The following AK2 variants were observed in gnomAD, a reference collection of about 807,000 sequenced individuals.
The protein encoded by AK2 is adenylate kinase 2, mitochondrial.
Under a neutral mutation model 24.6 loss-of-function variants are expected in AK2, and 15 were observed. The observed-to-expected ratio is 0.61, with a 90% CI of 0.41 to 0.94. AK2 has a LOEUF of 0.94. Among genes scored for constraint, AK2 ranks in the 40% least tolerant of loss-of-function variants. The pLI is 0.00. For synonymous variants in AK2, 102 were observed against 114.0 expected, an observed-to-expected ratio of 0.90 and a Z score of 0.67; for missense variants, 257 against 304.1, an observed-to-expected ratio of 0.85 and a Z score of 1.15.
chr1:33,011,974 A>G lies in AK2; in HGVS notation c.*1207T>C, dbSNP rs1638848547. The G allele has an allele frequency of 6.5e-7, 1 of 1,534,942 alleles. No homozygotes were observed. Among genetic ancestry groups the G allele is most frequent in the Admixed American group, 2.0e-5 (1 of 50,976 alleles). ...TGTCCTGGAGAGAGACTGGGTTTGAATAAATACTGATCAAAATGAATCCAA... is the reference window on the plus strand; with the variant it reads ...TGTCCTGGAGAGAGACTGGGTTTGAGTAAATACTGATCAAAATGAATCCAA... On this transcript the variant is annotated 3_prime_UTR_variant, in exon 6 of 6. Transcript: ENST00000672715.
chr1:33,030,759 A>C (rs1309406918), intron 1 of AK2, among the ~76,000 whole-genome samples: 4 of 152,236 alleles, frequency 2.6e-5, no homozygotes, highest in Non-Finnish European at 4.4e-5. Flanking sequence ...TAAGTTGCCC[A>C]AGATCACAGA....
chr1:33,034,024 C>A (rs548875097), intron 1 of AK2, among the ~76,000 whole-genome samples: 108 of 152,290 alleles, frequency 7.1e-4, no homozygotes, highest in African/African-American at 2.5e-3. Context: ...CAGGCACACA[C>A]CACCATGCCT....
In AK2 at chr1:33,025,802, G is replaced by C. The variant is rs975161086; in HGVS notation, c.94-1235C>G. 5.3e-5 allele frequency among the ~76,000 whole-genome samples: 8 copies of C among 152,288 alleles called. No individual in the cohort carries two copies. In the South Asian group the frequency reaches 1.2e-3, roughly 24 times the overall value. On this transcript the variant is annotated intron_variant, in intron 1 of 5. Transcript: ENST00000672715. Reference sequence around the variant, plus strand: ...GATTATACAGAATTCAGTATATGCAGGCCCTGGCATATAGTAAGCGCTCAG... The same window carrying C: ...GATTATACAGAATTCAGTATATGCACGCCCTGGCATATAGTAAGCGCTCAG...
At chr1:33,028,381 G>A (rs755302340) in intron 1 of AK2, among the ~76,000 whole-genome samples, 4 of 152,018 alleles carry the variant, frequency 2.6e-5, no homozygotes, top group Non-Finnish European at 5.9e-5. Context: ...CATAATCCCA[G>A]TTACTAGGGA....
In AK2 at chr1:33,009,247, G is replaced by A. The variant is rs1314630536; in HGVS notation, c.*3934C>T. 2.2e-6 allele frequency: 1 copy of A among 453,870 alleles called. No individual in the cohort carries two copies. The highest frequency in any genetic ancestry group is 2.0e-5 in the African/African-American group (1 of 49,968). 28.1% of individuals were successfully genotyped at this position (453,870 alleles called of 1,614,324 possible). A position where few individuals can be genotyped will look rare whatever the true frequency, so the allele number is the denominator to read the frequency against. ...CAGTCATTTCTCAGAAACCTCACTT[G>A]CAAAGGCAGCCCTTCCAAAAACATG... On this transcript the variant is annotated 3_prime_UTR_variant, in exon 6 of 6. Coordinates refer to ENST00000672715, the MANE Select transcript of AK2 (RefSeq NM_001625.4).
At chr1:33,036,160 A>T (rs1365977416) in intron 1 of AK2, among the ~76,000 whole-genome samples, 1 of 151,468 alleles carries the variant, frequency 6.6e-6, no homozygotes, top group Non-Finnish European at 1.5e-5. Context: ...CTACACATTC[A>T]CCCCCAACTT....
chr1:33,007,963 TGA>T, downstream of AK2: 1 of 451,992 alleles, frequency 2.2e-6, no homozygotes, highest in Non-Finnish European at 4.4e-6. Flanking sequence ...GGAGAATAAA[TGA>T]GATAATGCAT....
chr1:33,021,345 G>A (rs1307632703), intron 4 of AK2, 22 bp downstream of exon 4: 12 of 1,603,396 alleles, frequency 7.5e-6, no homozygotes, highest in African/African-American at 2.7e-5. Context: ...AGCATGAAAA[G>A]GGACCTTCAA....
At chr1:33,020,886 C>T (rs913671949) in intron 4 of AK2, among the ~76,000 whole-genome samples, 5 of 149,164 alleles carry the variant, frequency 3.4e-5, no homozygotes, top group Non-Finnish European at 5.9e-5. Context: ...GTGGCTCAAG[C>T]GTGTAATCCT....
At position 33,009,724 on chromosome 1, in the gene AK2, T is replaced by C. The variant is rs1314980730; in HGVS notation, c.*3457A>G. On this transcript the variant is annotated 3_prime_UTR_variant, in exon 6 of 6. Transcript: ENST00000672715. Reference sequence around the variant, plus strand: ...ATCTCCACTAGACCAAGCTGCCTTGTCTCTGGGCTCAAGAGAAGCCTGCAT... The same window carrying C: ...ATCTCCACTAGACCAAGCTGCCTTGCCTCTGGGCTCAAGAGAAGCCTGCAT... 2 of 453,940 alleles carry C rather than the reference T, an allele frequency of 4.4e-6. No homozygotes were observed. Among genetic ancestry groups the C allele is most frequent in the Non-Finnish European group, 8.8e-6 (2 of 226,764 alleles). 28.1% of individuals were successfully genotyped at this position (453,940 alleles called of 1,614,324 possible).
chr1:33,030,647 T>C (rs558289073), intron 1 of AK2, among the ~76,000 whole-genome samples: 12 of 152,314 alleles, frequency 7.9e-5, no homozygotes, highest in Admixed American at 1.3e-4. Context: ...TGCCAAGCAG[T>C]TTTCCATGCA....
chr1:33,036,735 C>G lies in AK2; in HGVS notation c.93+1G>C, dbSNP rs780949779. ...CCGCCAAGCCCAGTCCTGCCGCTCA[C>G]CTGGGTCCCTTTACCGGCCCCGGGA... On this transcript the variant is annotated splice_donor_variant, in intron 1 of 5. Coordinates refer to ENST00000672715, the MANE Select transcript of AK2 (RefSeq NM_001625.4). LOFTEE classifies it high-confidence loss of function. 6.3e-7 allele frequency: 1 copy of G among 1,583,094 alleles called. No individual in the cohort carries two copies. The highest frequency in any genetic ancestry group is 8.6e-7 in the Non-Finnish European group (1 of 1,163,996).
At chr1:33,018,904 T>A (rs1639357058) in intron 4 of AK2, among the ~76,000 whole-genome samples, 1 of 152,186 alleles carries the variant, frequency 6.6e-6, no homozygotes, top group Non-Finnish European at 1.5e-5. Context: ...ACCCAGTGGC[T>A]CAAGACTATC....
In AK2 at chr1:33,008,956, C is replaced by T. The variant is rs185043731; in HGVS notation, c.*4225G>A. On this transcript the variant is annotated 3_prime_UTR_variant, in exon 6 of 6. Transcript: ENST00000672715. ...GGTTGGTTTGACAAACATTTCCCCA[C>T]AATTAGATGCATGATGACCAAGGGA... 11 of 454,048 alleles carry T rather than the reference C, an allele frequency of 2.4e-5. No homozygotes were observed. The East Asian group carries it at 7.0e-4, about 29-fold the overall frequency. 28.1% of individuals were successfully genotyped at this position (454,048 alleles called of 1,614,324 possible). A position where few individuals can be genotyped will look rare whatever the true frequency, so the allele number is the denominator to read the frequency against.
At chr1:33,019,431 T>C (rs1639394709) in intron 4 of AK2, among the ~76,000 whole-genome samples, 1 of 152,208 alleles carries the variant, frequency 6.6e-6, no homozygotes, top group East Asian at 1.9e-4. Flanking sequence ...ATGTCTTTAC[T>C]GTTAACCCTA....
intron 4 of AK2, among the ~76,000 whole-genome samples, chr1:33,019,389 T>C (rs1163568673): frequency 2.6e-5 from 4 of 152,174 alleles, no homozygotes; most frequent in South Asian, 2.1e-4. Flanking sequence ...TGCTAATACG[T>C]GCTTAGTGCC....
intron 4 of AK2, chr1:33,019,951 T>C: frequency 1.6e-5 from 22 of 1,418,536 alleles, no homozygotes; most frequent in Non-Finnish European, 1.9e-5. Flanking sequence ...TGAGACACCA[T>C]TAAAATGACA....
intron 2 of AK2, chr1:33,024,166 G>A (rs1318888465): frequency 2.5e-6 from 1 of 395,070 alleles, no homozygotes; most frequent in Non-Finnish European, 4.8e-6. Flanking sequence ...GCGAGACTTT[G>A]TCAAAAAAAA....
rs267606645 is a variant in AK2, at chr1:33,013,345, G to A, written c.556C>T (p.Arg186Cys). The A allele has an allele frequency of 4.4e-5, 71 of 1,613,962 alleles. No individual in the cohort carries two copies. The highest frequency in any genetic ancestry group is 6.7e-5 in the African/African-American group (5 of 74,896). ...GTTTGAGTGTGGTAGGCTTGCAGGC[G>A]GATTTTCAAGGCCTTTTCATTATCA... ...SDDNEKALKI[R>C]LQAYHTQTTP... The change falls in exon 6 of 6, where the codon CGC (arginine) becomes TGC (cysteine). Residue 186 changes from arginine to cysteine, a missense_variant. Coordinates refer to ENST00000672715, the MANE Select transcript of AK2 (RefSeq NM_001625.4).
Sources: allele counts gnomAD v4.1 joint callset (sites outside exome capture counted in the v4.1 genomes callset), GRCh38; gene constraint gnomAD v4.1.1; transcripts MANE v1.5; gene names NCBI Gene and HGNC (gene_info 2026-07-23, HGNC 2026-07-21).